Variants in SYTL5 observed in about 807,000 individuals in gnomAD.
SYTL5 encodes the protein synaptotagmin-like protein 5.
Under a neutral mutation model 55.9 loss-of-function variants are expected in SYTL5, and 34 were observed. The ratio of observed to expected loss-of-function variants is 0.61; its 90% CI spans 0.46 to 0.81. The LOEUF is 0.81. SYTL5 is among the 30% of genes least tolerant of loss of function. The pLI is 0.00. For missense variants in SYTL5, 637 were observed against 546.7 expected (o/e 1.17, Z -1.65); for synonymous variants, 221 against 188.7 (o/e 1.17, Z -1.40).
At chrX:37,993,419 TC>T in the SYTL5 span, among the ~76,000 whole-genome samples, 3 of 112,317 alleles carry the variant, frequency 2.7e-5, no homozygotes, top group Non-Finnish European at 5.6e-5. Flanking sequence ...CACATCTCTG[TC>T]ACCAAGTTTG....
intron 13 of SYTL5, among the ~76,000 whole-genome samples, chrX:38,117,335 T>C (rs145603359): frequency 8.8e-4 from 99 of 112,048 alleles, no homozygotes; most frequent in African/African-American, 2.8e-3. Flanking sequence ...GGGTCTACAG[T>C]ATATTTTAAG....
rs1165077645 is a variant in SYTL5, at chrX:38,022,264, G to C, written c.-356-11270G>C. Among the ~76,000 whole-genome samples the C allele has an allele frequency of 3.6e-5, 4 of 112,345 alleles. No individual in the cohort carries two copies. In the Admixed American group the frequency reaches 3.8e-4, roughly 11 times the overall value. On this transcript the variant is annotated intron_variant, in intron 1 of 16. Coordinates refer to ENST00000297875, the MANE Select transcript of SYTL5 (RefSeq NM_138780.3). ...CTATCCCAACTGATACAGTGTTACT[G>C]TAAGAGAAGTATGAAAATGTATTGG...
the SYTL5 span, among the ~76,000 whole-genome samples, chrX:37,969,625 C>T: frequency 8.9e-6 from 1 of 111,800 alleles, no homozygotes; most frequent in Non-Finnish European, 1.9e-5. Flanking sequence ...AGGAAAGAGC[C>T]ATCATTCAAG....
At chrX:37,912,353 A>C in the SYTL5 span, among the ~76,000 whole-genome samples, 5,865 of 111,965 alleles carry the variant, frequency 0.052, 383 homozygotes, top group African/African-American at 0.18. Context: ...TGTATAATTA[A>C]TTCTGTTTCT....
At chrX:37,920,367 A>T in the SYTL5 span, among the ~76,000 whole-genome samples, 1 of 110,406 alleles carries the variant, frequency 9.1e-6, no homozygotes, top group Non-Finnish European at 1.9e-5. Context: ...CCACAGATGG[A>T]GTCAAATCTG....
At chrX:37,946,499 C>G in the SYTL5 span, 85 of 229,265 alleles carry the variant, frequency 3.7e-4, no homozygotes, top group African/African-American at 2.4e-3. Context: ...TCATTGGAAT[C>G]ATGCTTTTGT....
At chrX:37,963,893 A>G in the SYTL5 span, among the ~76,000 whole-genome samples, 1 of 111,487 alleles carries the variant, frequency 9.0e-6, no homozygotes, top group Non-Finnish European at 1.9e-5. Context: ...ATTTATCCTT[A>G]TTCCTAGTTT....
the SYTL5 span, among the ~76,000 whole-genome samples, chrX:37,904,622 G>C: frequency 1.8e-5 from 2 of 111,409 alleles, no homozygotes; most frequent in Admixed American, 1.9e-4. Context: ...TAGGCCATGT[G>C]CTGGGTTATT....
At chrX:38,005,769 T>C (rs1933972517), upstream of SYTL5, among the ~76,000 whole-genome samples, 1 of 111,727 alleles carries the variant, frequency 9.0e-6, no homozygotes, top group African/African-American at 3.2e-5. Flanking sequence ...GTAATAACTC[T>C]CTTGGTACTT....
chrX:38,097,025 T>C (rs773299987), intron 9 of SYTL5, among the ~76,000 whole-genome samples: 2 of 111,447 alleles, frequency 1.8e-5, no homozygotes, highest in African/African-American at 6.5e-5. Flanking sequence ...TAGAAAACCA[T>C]TGAAATCTTT....
At chrX:38,070,691 G>A (rs769269059) in intron 3 of SYTL5, among the ~76,000 whole-genome samples, 4 of 111,047 alleles carry the variant, frequency 3.6e-5, no homozygotes, top group Admixed American at 9.6e-5. Context: ...ATCCTTTACC[G>A]TAGTTACATA....
At chrX:38,101,649 ATG>A (rs1217197743) in intron 9 of SYTL5, among the ~76,000 whole-genome samples, 272 of 108,586 alleles carry the variant, frequency 2.5e-3, no homozygotes, top group African/African-American at 8.4e-3. Context: ...GTATATATGT[ATG>A]TGTGTGTGTG....
chrX:37,990,430 G>A, the SYTL5 span, among the ~76,000 whole-genome samples: 80 of 112,169 alleles, frequency 7.1e-4, no homozygotes, highest in Non-Finnish European at 6.4e-4. Flanking sequence ...TGTATCAGCA[G>A]CCTACAACTA....
the SYTL5 span, among the ~76,000 whole-genome samples, chrX:37,919,923 T>C: frequency 8.9e-6 from 1 of 111,948 alleles, no homozygotes; most frequent in Non-Finnish European, 1.9e-5. Flanking sequence ...AAATTAAGTA[T>C]ACCTCGTATC....
the SYTL5 span, chrX:37,994,611 G>A: frequency 1.2e-3 from 140 of 112,259 alleles, 1 homozygote; most frequent in African/African-American, 4.0e-3. Context: ...ACTGCAAAAG[G>A]ATGAGCAGCT....
chrX:38,047,256 G>C (rs1935490628), intron 2 of SYTL5, among the ~76,000 whole-genome samples: 2 of 112,972 alleles, frequency 1.8e-5, no homozygotes, highest in Admixed American at 1.9e-4. Flanking sequence ...TTCTCCATGA[G>C]GGCCCTGCCC....
intron 13 of SYTL5, among the ~76,000 whole-genome samples, chrX:38,114,936 TAA>T (rs1462412906): frequency 1.8e-5 from 2 of 112,009 alleles, no homozygotes; most frequent in Non-Finnish European, 3.8e-5. Flanking sequence ...ATTTTAGATA[TAA>T]GTGAGGTCAT....
At chrX:37,898,030 G>A in the SYTL5 span, among the ~76,000 whole-genome samples, 358 of 111,212 alleles carry the variant, frequency 3.2e-3, 2 homozygotes, top group African/African-American at 0.011. Context: ...CCCGGGAGGC[G>A]GAGGTTGCAG....
chrX:37,962,076 A>AT, the SYTL5 span, among the ~76,000 whole-genome samples: 14 of 109,058 alleles, frequency 1.3e-4, no homozygotes, highest in Admixed American at 2.9e-4. Context: ...TGTCCCAAGC[A>AT]TTTTTTTTTA....
Sources: gnomAD v4.1 joint callset for allele counts (sites outside exome capture counted in the v4.1 genomes callset) on GRCh38, gnomAD v4.1.1 for gene constraint, MANE v1.5 for transcripts, NCBI Gene and HGNC (gene_info 2026-07-23, HGNC 2026-07-21) for gene names.